The following TMEM26 variants were observed in gnomAD, a reference collection of about 807,000 sequenced individuals.
TMEM26 encodes transmembrane protein 26.
In TMEM26, 38 loss-of-function variants were observed where a neutral mutation model predicts 28.8. The ratio of observed to expected loss-of-function variants is 1.32; its 90% CI spans 1.02 to 1.73. TMEM26 has a LOEUF of 1.73. Ranked by LOEUF, TMEM26 falls within the 40% of genes most tolerant of loss-of-function variation. The probability of loss-of-function intolerance (pLI) is 0.00; values close to 1 mark genes in which losing one functional copy is unlikely to be tolerated. For synonymous variants in TMEM26, 227 were observed against 182.9 expected, an observed-to-expected ratio of 1.24 and a Z score of -1.95; for missense variants, 518 against 447.1, an observed-to-expected ratio of 1.16 and a Z score of -1.43.
At chr10:61,450,925 A>G (rs1191428486) in intron 1 of TMEM26, among the ~76,000 whole-genome samples, 1 of 152,212 alleles carries the variant, frequency 6.6e-6, no homozygotes, top group African/African-American at 2.4e-5. Context: ...AGAAAAGATC[A>G]TTGCTTTCTT....
intron 1 of TMEM26, among the ~76,000 whole-genome samples, chr10:61,449,811 C>T (rs1336635675): frequency 6.6e-6 from 1 of 151,944 alleles, no homozygotes; most frequent in East Asian, 1.9e-4. Flanking sequence ...CCTTTCTCCT[C>T]CTCCTTTGCT....
intron 1 of TMEM26, among the ~76,000 whole-genome samples, chr10:61,444,008 C>A (rs1365908013): frequency 6.6e-6 from 1 of 152,172 alleles, no homozygotes; most frequent in East Asian, 1.9e-4. Context: ...CTAACTGTCA[C>A]CATCATGATA....
At chr10:61,452,623 C>T in intron 1 of TMEM26, 1 of 448,532 alleles carries the variant, frequency 2.2e-6, no homozygotes, top group Non-Finnish European at 4.1e-6. Context: ...CCTCTCTTTA[C>T]TCATCTTCCA....
intron 1 of TMEM26, among the ~76,000 whole-genome samples, chr10:61,450,589 G>C (rs1394949707): frequency 6.6e-6 from 1 of 152,002 alleles, no homozygotes; most frequent in Admixed American, 6.5e-5. Context: ...TTCCTATTTA[G>C]ACCATTTACC....
At chr10:61,449,855 T>C (rs1840247453) in intron 1 of TMEM26, among the ~76,000 whole-genome samples, 2 of 152,122 alleles carry the variant, frequency 1.3e-5, no homozygotes, top group African/African-American at 2.4e-5. Flanking sequence ...ATGCTTTCAA[T>C]TGATACAAAG....
chr10:61,446,672 A>T (rs1328604492), intron 1 of TMEM26, among the ~76,000 whole-genome samples: 2 of 151,944 alleles, frequency 1.3e-5, no homozygotes, highest in Admixed American at 6.6e-5. Context: ...ACAAAAAATT[A>T]ACCAGGCGTG....
chr10:61,441,881 T>G (rs984132436), intron 1 of TMEM26, among the ~76,000 whole-genome samples: 2 of 152,176 alleles, frequency 1.3e-5, no homozygotes, highest in Admixed American at 1.3e-4. Flanking sequence ...TAAAGCCCTC[T>G]TAAAATCTTT....
intron 4 of TMEM26, 65 bp from the exon 5 acceptor site, chr10:61,413,600 C>T (rs1283378585): frequency 3.3e-6 from 5 of 1,499,892 alleles, no homozygotes; most frequent in Admixed American, 2.2e-5. Flanking sequence ...AAAGTCTTCT[C>T]AGTCAAGTTT....
At chr10:61,436,989 A>C (rs1280106721) in intron 1 of TMEM26, among the ~76,000 whole-genome samples, 1 of 152,160 alleles carries the variant, frequency 6.6e-6, no homozygotes, top group Non-Finnish European at 1.5e-5. Flanking sequence ...GCATCAGCCA[A>C]CTCAGGCTGC....
Position 61,413,462 on chromosome 10 carries a change from C to G in TMEM26, c.679G>C (p.Ala227Pro). 2 of 1,612,592 alleles carry G rather than the reference C, an allele frequency of 1.2e-6. No homozygotes were observed. Among genetic ancestry groups the G allele is most frequent in the Non-Finnish European group, 1.7e-6 (2 of 1,179,140 alleles). ...WSMLQFPLDL[A>P]VQNVVCPVSV... ...GCACAAACATCAGGATACTTACCTGCCAGGTCAAGTGGAAACTGCAGCATG... is the reference window on the plus strand; with the variant it reads ...GCACAAACATCAGGATACTTACCTGGCAGGTCAAGTGGAAACTGCAGCATG... Residue 227 changes from alanine (A) to proline (P), a missense_variant, in exon 5 of 6, where the codon GCA becomes CCA. By Grantham distance (27) the Ala-to-Pro change is conservative. Transcript: ENST00000399298.
intron 4 of TMEM26, chr10:61,413,767 A>C (rs1288899239): frequency 8.4e-7 from 1 of 1,195,482 alleles, no homozygotes; most frequent in Non-Finnish European, 1.0e-6. Flanking sequence ...ATTATGACAA[A>C]GCCTCTTGGT....
chr10:61,415,911 A>G (rs758298840), intron 4 of TMEM26: 1 of 262,130 alleles, frequency 3.8e-6, no homozygotes, highest in Non-Finnish European at 7.5e-6. Context: ...GTTTTATTTC[A>G]TATGTTTAAG....
rs896929357 is a variant in TMEM26, at chr10:61,453,255, C to T, written c.-174G>A. 7 of 645,086 alleles carry T rather than the reference C, an allele frequency of 1.1e-5. No homozygotes were observed. The highest frequency in any genetic ancestry group is 1.3e-5 in the Non-Finnish European group (5 of 379,110). The allele number at this position is 645,086 out of a possible 1,614,324, so 40.0% of individuals were successfully genotyped here. A position where few individuals can be genotyped will look rare whatever the true frequency, so the allele number is the denominator to read the frequency against. ...GGTAGAACTGGTGCGCGGCTCGCCC[C>T]TCCCCCAAACTTCCTGAGAACTCTT... On this transcript the variant is annotated 5_prime_UTR_variant, in exon 1 of 6. Transcript: ENST00000399298.
At chr10:61,434,295 G>T (rs1431776347) in intron 2 of TMEM26, among the ~76,000 whole-genome samples, 1 of 152,142 alleles carries the variant, frequency 6.6e-6, no homozygotes, top group Non-Finnish European at 1.5e-5. Context: ...AAATTAGAGA[G>T]CTACTGCTCG....
chr10:61,431,947 T>A (rs1354031700), intron 2 of TMEM26, among the ~76,000 whole-genome samples: 1 of 152,024 alleles, frequency 6.6e-6, no homozygotes, highest in Non-Finnish European at 1.5e-5. Context: ...GTGTATTCAG[T>A]TTTTAGCTCC....
chr10:61,412,979 TGAA>T, intron 5 of TMEM26: 1 of 1,276,134 alleles, frequency 7.8e-7, no homozygotes, highest in Non-Finnish European at 1.0e-6. Flanking sequence ...CTATGTCTTC[TGAA>T]GTTCTAATAC....
At chr10:61,424,049 C>T (rs1019330982) in intron 4 of TMEM26, among the ~76,000 whole-genome samples, 5 of 152,108 alleles carry the variant, frequency 3.3e-5, no homozygotes, top group Admixed American at 6.6e-5. Flanking sequence ...GAAATGTCTA[C>T]TCTTACTACT....
At chr10:61,440,899 A>C (rs1261086375) in intron 1 of TMEM26, among the ~76,000 whole-genome samples, 4 of 152,206 alleles carry the variant, frequency 2.6e-5, no homozygotes, top group African/African-American at 9.7e-5. Context: ...GCAAATGCCT[A>C]ACTTCTTTAT....
At chr10:61,446,463 A>C (rs1184457157) in intron 1 of TMEM26, among the ~76,000 whole-genome samples, 1 of 152,178 alleles carries the variant, frequency 6.6e-6, no homozygotes, top group Non-Finnish European at 1.5e-5. Flanking sequence ...CCTAGTCCAT[A>C]TAAAAGTTAT....
Sources: gnomAD v4.1 joint callset for allele counts (sites outside exome capture counted in the v4.1 genomes callset) on GRCh38, gnomAD v4.1.1 for gene constraint, MANE v1.5 for transcripts, NCBI Gene and HGNC (gene_info 2026-07-23, HGNC 2026-07-21) for gene names.